Variants in ZFYVE26 observed in about 807,000 individuals in gnomAD.
ZFYVE26 encodes zinc finger FYVE domain-containing protein 26.
A neutral mutation model predicts 276.5 loss-of-function variants in ZFYVE26; 181 were observed. The ratio of observed to expected loss-of-function variants is 0.65; its 90% CI spans 0.58 to 0.74. The LOEUF is 0.74. ZFYVE26 is among the 30% of genes least tolerant of loss of function. The pLI is 0.00. For missense variants in ZFYVE26, 2,821 were observed against 3,097.9 expected, an observed-to-expected ratio of 0.91 and a Z score of 2.12; for synonymous variants, 1,129 against 1,203.1, an observed-to-expected ratio of 0.94 and a Z score of 1.27.
chr14:67,760,302 T>TAGTAGCTAAGAATAGTC (rs2038898032), intron 35 of ZFYVE26, among the ~76,000 whole-genome samples: 1 of 152,202 alleles, frequency 6.6e-6, no homozygotes, highest in Non-Finnish European at 1.5e-5. Flanking sequence ...AAGACCTGGT[T>TAGTAGCTAAGAATAGTC]AGTAGCTAAG....
intron 12 of ZFYVE26, among the ~76,000 whole-genome samples, chr14:67,795,107 C>T (rs1016621916): frequency 2.0e-5 from 3 of 152,136 alleles, no homozygotes; most frequent in African/African-American, 2.4e-5. Flanking sequence ...CCTGGTCATT[C>T]GAGGGGCTGT....
chr14:67,804,855 T>C (rs1413129176), intron 8 of ZFYVE26, among the ~76,000 whole-genome samples: 1 of 152,218 alleles, frequency 6.6e-6, no homozygotes, highest in Non-Finnish European at 1.5e-5. Context: ...TGCCTGACTT[T>C]TATAATGAAG....
chr14:67,793,675 A>G lies in ZFYVE26; in HGVS notation c.2486T>C (p.Met829Thr). Residue 829 changes from methionine (M) to threonine (T), a missense_variant, in exon 14 of 42, where the codon ATG becomes ACG. Met to Thr is a moderately conservative substitution (Grantham distance 81, BLOSUM62 -1). Coordinates refer to ENST00000347230, the MANE Select transcript of ZFYVE26 (RefSeq NM_015346.4). ...CAGCAGTGACTCAGGTGGGGAGAAC[A>G]TCATGGGGATGAGTGAACTTTGAGG... is the stretch of plus-strand genomic sequence containing the variant. The part of the protein sequence containing the change: ...PHPQSSLIPM[M>T]FSPPESLLAS... The G allele has an allele frequency of 6.2e-7, 1 of 1,613,910 alleles. No homozygotes were observed. The highest frequency in any genetic ancestry group is 8.5e-7 in the Non-Finnish European group (1 of 1,179,894).
chr14:67,789,631 G>A (rs754865159), intron 15 of ZFYVE26, 33 bp from the exon 16 acceptor site: 1 of 1,613,358 alleles, frequency 6.2e-7, no homozygotes, highest in African/African-American at 1.3e-5. Context: ...AAAAGCAAAG[G>A]GTTAAAAGGA....
intron 35 of ZFYVE26, 99 bp downstream of exon 35, chr14:67,761,267 G>T: frequency 9.0e-7 from 1 of 1,117,250 alleles, no homozygotes; most frequent in Non-Finnish European, 1.3e-6. Flanking sequence ...CTCAACACAG[G>T]GTTAAGTGTC....
intron 10 of ZFYVE26, among the ~76,000 whole-genome samples, chr14:67,800,083 T>C (rs545779443): frequency 6.6e-6 from 1 of 152,394 alleles, no homozygotes; most frequent in African/African-American, 2.4e-5. Flanking sequence ...GTCTTCATTT[T>C]ACTCAGCCAG....
Position 67,786,197 on chromosome 14 carries a change from C to T in ZFYVE26, c.3056G>A (p.Gly1019Asp), listed in dbSNP as rs749257372. 6.3e-7 allele frequency: 1 copy of T among 1,581,206 alleles called. No individual in the cohort carries two copies. Residue 1019 changes from glycine (G) to aspartate (D), a missense_variant, in exon 17 of 42, where the codon GGC becomes GAC. By Grantham distance (94) the Gly-to-Asp change is moderately conservative. Transcript: ENST00000347230. ...AAGAACAACTGGAAAACCTCGAATG[C>T]CATCAGCATTTAGGAGTACGTGGTC... The part of the protein sequence containing the change: ...RIDHVLLNAD[G>D]IRGFPVVLQQ...
Position 67,783,102 on chromosome 14 carries a change from C to T in ZFYVE26, c.4050G>A (p.Glu1350=). Residue 1350 remains glutamate (E), a synonymous_variant, in exon 21 of 42, where the codon GAG becomes GAA. Transcript: ENST00000347230. ...GGCGCTCACACTCCCGGGCTACCTG[C>T]TCTGCAGCCAGAGGCACCTCCCTGC... ...RGRREVPLAA[E]QVARECERLL... is the part of the protein sequence containing the mutation. 6.2e-7 allele frequency: 1 copy of T among 1,611,652 alleles called. No individual in the cohort carries two copies. Among genetic ancestry groups the T allele is most frequent in the Non-Finnish European group, 8.5e-7 (1 of 1,178,098 alleles).
chr14:67,769,961 T>G, intron 28 of ZFYVE26: 1 of 566,248 alleles, frequency 1.8e-6, no homozygotes, highest in Non-Finnish European at 3.1e-6. Flanking sequence ...TTGCGATAGC[T>G]CCTGACAAGT....
At chr14:67,811,957 A>G (rs987927647) in intron 3 of ZFYVE26, among the ~76,000 whole-genome samples, 3 of 144,038 alleles carry the variant, frequency 2.1e-5, no homozygotes, top group African/African-American at 7.6e-5. Flanking sequence ...TACATATAAC[A>G]TATTATATAT....
intron 3 of ZFYVE26, among the ~76,000 whole-genome samples, chr14:67,812,998 A>G (rs532681933): frequency 6.6e-6 from 1 of 152,154 alleles, no homozygotes; most frequent in African/African-American, 2.4e-5. Context: ...TTTCTTTCCT[A>G]AACAACTGGC....
intron 25 of ZFYVE26, among the ~76,000 whole-genome samples, chr14:67,776,351 A>G (rs964230890): frequency 6.6e-6 from 1 of 152,236 alleles, no homozygotes; most frequent in African/African-American, 2.4e-5. Context: ...AAAGGATCAG[A>G]GAGTAACTAT....
At chr14:67,809,161 T>C (rs2040241516) in intron 4 of ZFYVE26, 39 bp downstream of exon 4, 5 of 1,562,176 alleles carry the variant, frequency 3.2e-6, no homozygotes, top group Middle Eastern at 1.7e-4. Context: ...CTTAAGTGAC[T>C]GTCAACCCTG....
Position 67,809,315 on chromosome 14 carries a change from T to C in ZFYVE26, c.274-26A>G, listed in dbSNP as rs2040245545. 4 of 1,532,798 alleles carry C rather than the reference T, an allele frequency of 2.6e-6. No homozygotes were observed. In the East Asian group the frequency reaches 9.0e-5, roughly 34 times the overall value. 94.9% of individuals were successfully genotyped at this position (1,532,798 alleles called of 1,614,324 possible). A position where few individuals can be genotyped will look rare whatever the true frequency, so the allele number is the denominator to read the frequency against. ...CTAGAAGAATCAAAAGAATGAAGCA[T>C]AGAGATGAGATATATGTTTTAGTTA... is the stretch of plus-strand genomic sequence containing the variant. On this transcript the variant is annotated intron_variant, in intron 3 of 41. Transcript: ENST00000347230.
At chr14:67,729,421 A>T in exon 14 of ZFYVE26, 2 of 1,575,972 alleles carry the variant, frequency 1.3e-6, no homozygotes, top group South Asian at 1.1e-5. Context: ...ACCTGTGTGC[A>T]TGGGAGGTGC....
In ZFYVE26 at chr14:67,777,655, A is replaced by C. The variant is rs1246614183; in HGVS notation, c.4878T>G (p.Thr1626=). ...TGAGGTAGTTGGCCAAGAAGTGAGA[A>C]GTGGCCAAGCTAGTGTGCTGGTCGA... ...QSLDQHTSLA[T]SHFLANYLTT... Residue 1626 remains threonine, a synonymous_variant, in exon 25 of 42, where the codon ACT becomes ACG. Transcript: ENST00000347230. 2 of 1,614,110 alleles carry C rather than the reference A, an allele frequency of 1.2e-6. No homozygotes were observed.
chr14:67,752,009 A>G (rs1302412500), intron 40 of ZFYVE26, among the ~76,000 whole-genome samples: 2 of 152,236 alleles, frequency 1.3e-5, no homozygotes, highest in Non-Finnish European at 2.9e-5. Flanking sequence ...TGGGAGGACA[A>G]TTCCGCAGAT....
chr14:67,758,947 T>C (rs563395655), intron 35 of ZFYVE26, among the ~76,000 whole-genome samples: 1 of 152,152 alleles, frequency 6.6e-6, no homozygotes, highest in Non-Finnish European at 1.5e-5. Flanking sequence ...TATGAATTTT[T>C]TAAGAAAACA....
rs2140246728 is a variant in ZFYVE26, at chr14:67,802,169, G to C, written c.1549C>G (p.Gln517Glu). 6.2e-7 allele frequency: 1 copy of C among 1,614,088 alleles called. No individual in the cohort carries two copies. Among genetic ancestry groups the C allele is most frequent in the South Asian group, 1.1e-5 (1 of 91,064 alleles). ...AIYALCVNSH[Q>E]HSQCQDCKDS... The stretch of plus-strand genomic sequence containing the variant: ...TTGCAGTCCTGGCACTGGGAGTGCT[G>C]GTGTGAGTTTACACAGAGGGCATAG... The change falls in exon 10 of 42, where the codon CAG becomes GAG. Residue 517 changes from glutamine to glutamate, a missense_variant. Coordinates refer to ENST00000347230, the MANE Select transcript of ZFYVE26 (RefSeq NM_015346.4).
Sources: allele counts gnomAD v4.1 joint callset (sites outside exome capture counted in the v4.1 genomes callset), GRCh38; gene constraint gnomAD v4.1.1; transcripts MANE v1.5; gene names NCBI Gene and HGNC (gene_info 2026-07-23, HGNC 2026-07-21).